WNK1: variants seen among roughly 807,000 people sequenced by gnomAD.
WNK1 encodes WNK lysine deficient protein kinase 1.
A neutral mutation model predicts 222.8 loss-of-function variants in WNK1; 38 were observed. The ratio of observed to expected loss-of-function variants is 0.17; its 90% confidence interval spans 0.13 to 0.22. WNK1 has a LOEUF of 0.22. Ranked by LOEUF, WNK1 falls within the 10% of genes least tolerant of loss-of-function variation. WNK1 has a pLI of 1.00. For missense variants in WNK1, 2,348 were observed against 2,918.4 expected (o/e 0.80, Z 4.50); for synonymous variants, 1,090 against 1,092.9 (o/e 1.00, Z 0.05).
At chr12:761,487 C>A (rs1941011485) in intron 1 of WNK1, among the ~76,000 whole-genome samples, 1 of 148,032 alleles carries the variant, frequency 6.8e-6, no homozygotes, top group African/African-American at 2.4e-5. Flanking sequence ...AAACCACAGT[C>A]ATTCCTGCAG....
chr12:888,460 G>C (rs1953882441), intron 20 of WNK1, among the ~76,000 whole-genome samples: 1 of 152,124 alleles, frequency 6.6e-6, no homozygotes, highest in African/African-American at 2.4e-5. Context: ...GAGGGGTAAG[G>C]GTAAATAGCT....
At chr12:756,800 A>G (rs1331508400) in intron 1 of WNK1, among the ~76,000 whole-genome samples, 1 of 152,236 alleles carries the variant, frequency 6.6e-6, no homozygotes, top group Non-Finnish European at 1.5e-5. Context: ...CTTTTTCGCT[A>G]AATCTATCCT....
At chr12:792,891 G>T (rs560708213) in intron 1 of WNK1, among the ~76,000 whole-genome samples, 2 of 151,022 alleles carry the variant, frequency 1.3e-5, no homozygotes, top group African/African-American at 4.9e-5. Flanking sequence ...TCTTAATCAG[G>T]TCTAGTGAAC....
At chr12:812,424 T>C (rs1416379363) in intron 1 of WNK1, among the ~76,000 whole-genome samples, 3 of 152,204 alleles carry the variant, frequency 2.0e-5, no homozygotes, top group Admixed American at 2.0e-4. Flanking sequence ...CAAAAAGGTA[T>C]CTTGTCACTG....
chr12:772,404 GGT>G lies in WNK1; in HGVS notation c.759+18099_759+18100del, dbSNP rs372617624. Among the ~76,000 whole-genome samples, 218 of 117,302 alleles carry G rather than the reference GGT, an allele frequency of 1.9e-3. 2 individuals carry two copies. Among genetic ancestry groups the G allele is most frequent in the South Asian group, 0.012 (39 of 3,302 alleles). The allele number at this position is 117,302 out of a possible 152,430, so 77.0% of individuals were successfully genotyped here. A position where few individuals can be genotyped will look rare whatever the true frequency, so the allele number is the denominator to read the frequency against. ...ATTTGTACACAGTAATCATAATTGG[GGT>G]GTGTGTGTGTGTGTGTGTATGTATG... On this transcript the variant is annotated intron_variant, in intron 1 of 27. Transcript: ENST00000315939.
chr12:807,542 A>C (rs887313731), intron 1 of WNK1, among the ~76,000 whole-genome samples: 7 of 151,786 alleles, frequency 4.6e-5, no homozygotes, highest in Non-Finnish European at 8.8e-5. Context: ...ACTAAGTTTC[A>C]GTGCTAATAA....
intron 26 of WNK1, among the ~76,000 whole-genome samples, chr12:902,130 C>T (rs1249762777): frequency 6.7e-6 from 1 of 149,200 alleles, no homozygotes; most frequent in East Asian, 2.0e-4. Flanking sequence ...GATACCCCAT[C>T]TCTAAAAAAA....
At position 885,495 on chromosome 12, in the gene WNK1, C is replaced by G. The variant is rs747482543; in HGVS notation, c.4691C>G (p.Pro1564Arg). 1 of 1,614,102 alleles carries G rather than the reference C, an allele frequency of 6.2e-7. No homozygotes were observed. Among genetic ancestry groups the G allele is most frequent in the Non-Finnish European group, 8.5e-7 (1 of 1,180,036 alleles). The change falls in exon 19 of 28, where the codon CCT becomes CGT. Residue 1564 changes from proline (P) to arginine (R), a missense_variant. By Grantham distance (103) the Pro-to-Arg change is moderately radical. Transcript: ENST00000315939. ...GGAGTGTCTAGTTATATTTCTCAGC[C>G]TGGTGGGCTGCATCCTTTGGTCATT... is the stretch of plus-strand genomic sequence containing the variant. ...GAGVSSYISQPGGLHPLVIPS... is the reference protein window; with the variant it reads ...GAGVSSYISQRGGLHPLVIPS...
Position 908,896 on chromosome 12 carries a change from T to G in WNK1, c.*104T>G. ...ATATACTAACTACTAGTGCTGCATT[T>G]AACTGGTTATTTCTTGCCAGAGGGG... is the stretch of plus-strand genomic sequence containing the variant. On this transcript the variant is annotated 3_prime_UTR_variant, in exon 28 of 28. Coordinates refer to ENST00000315939, the MANE Select transcript of WNK1 (RefSeq NM_018979.4). The G allele has an allele frequency of 7.9e-7, 1 of 1,269,662 alleles. No homozygotes were observed. The highest frequency in any genetic ancestry group is 1.1e-6 in the Non-Finnish European group (1 of 897,290). The allele number at this position is 1,269,662 out of a possible 1,614,324, so 78.6% of individuals were successfully genotyped here.
At chr12:767,946 G>C (rs1941981793) in intron 1 of WNK1, among the ~76,000 whole-genome samples, 1 of 152,130 alleles carries the variant, frequency 6.6e-6, no homozygotes, top group South Asian at 2.1e-4. Context: ...GACCACTCTA[G>C]ATGGCTCCTT....
rs1038270127 is a variant in WNK1 at position 753,782 on chromosome 12, A to G, written c.217A>G (p.Thr73Ala). 6 of 1,612,332 alleles carry G rather than the reference A, an allele frequency of 3.7e-6. No individual in the cohort carries two copies. The African/African-American group carries it at 8.0e-5, about 22-fold the overall frequency. Residue 73 changes from threonine (T) to alanine (A), a missense_variant, in exon 1 of 28, where the codon ACC (threonine) becomes GCC (alanine). By Grantham distance (58) the Thr-to-Ala change is moderately conservative. This residue lies in a region of WNK1 where 108 missense variants were observed against 109.7 expected (regional missense o/e 0.98). Transcript: ENST00000315939. The surrounding 1 kb of genome is among the most constrained non-coding windows in gnomAD (Gnocchi z 5.2). The stretch of plus-strand genomic sequence containing the variant: ...CAGCCGTGGGGCGGCCGCGACCACT[A>G]CCACCACTGAGCACCGCTTCTTCCG... ...KDSRGAAATT[T>A]TTEHRFFRRS...
intron 14 of WNK1, among the ~76,000 whole-genome samples, 164 bp downstream of exon 14, chr12:882,237 C>A (rs987333022): frequency 2.0e-5 from 3 of 152,058 alleles, no homozygotes; most frequent in Non-Finnish European, 2.9e-5. Flanking sequence ...CGCTCTGTCG[C>A]CCAGGCTGGA....
At chr12:850,754 T>A (rs201472537) in intron 4 of WNK1, among the ~76,000 whole-genome samples, 606 of 125,772 alleles carry the variant, frequency 4.8e-3, no homozygotes, top group East Asian at 0.015. Context: ...GTATGAGGTG[T>A]AAGGAAGGGA....
chr12:809,606 AATT>A (rs1171243174), intron 1 of WNK1, among the ~76,000 whole-genome samples: 11 of 152,084 alleles, frequency 7.2e-5, no homozygotes, highest in Admixed American at 2.6e-4. Flanking sequence ...TTTGCATGAG[AATT>A]ATTATTTTGT....
chr12:851,581 T>C lies in WNK1; in HGVS notation c.1312-5580T>C, dbSNP rs1032996518. On this transcript the variant is annotated intron_variant, in intron 4 of 27. Transcript: ENST00000315939. Reference sequence around the variant, plus strand: ...GCATGGCTAGTGTTAAACAAGAAACTGTGTTTCAGTCTGACTTTGATGTCT... The same window carrying C: ...GCATGGCTAGTGTTAAACAAGAAACCGTGTTTCAGTCTGACTTTGATGTCT... 13 of 1,199,096 alleles carry C rather than the reference T, an allele frequency of 1.1e-5. No homozygotes were observed. In the South Asian group the frequency reaches 2.0e-4, roughly 19 times the overall value. 74.3% of individuals were successfully genotyped at this position (1,199,096 alleles called of 1,614,324 possible).
chr12:785,415 C>G (rs796378115), intron 1 of WNK1, among the ~76,000 whole-genome samples: 6 of 142,630 alleles, frequency 4.2e-5, no homozygotes, highest in African/African-American at 1.5e-4. Flanking sequence ...CCCCCACCCC[C>G]TCGAAGTGGA....
intron 2 of WNK1, among the ~76,000 whole-genome samples, chr12:826,158 T>A (rs909968534): frequency 3.9e-5 from 6 of 152,262 alleles, no homozygotes; most frequent in Non-Finnish European, 8.8e-5. Flanking sequence ...TCTGCCATTA[T>A]GGAAATGTTG....
chr12:836,193 CA>C (rs1466196655), intron 4 of WNK1, among the ~76,000 whole-genome samples: 2 of 151,976 alleles, frequency 1.3e-5, no homozygotes, highest in African/African-American at 4.8e-5. Flanking sequence ...GGAAAAATAA[CA>C]AAAGTTGTAG....
rs769002438 is a variant in WNK1 at position 894,550 on chromosome 12, T to C, written c.5510-12T>C. The C allele has an allele frequency of 3.7e-6, 6 of 1,611,454 alleles. No homozygotes were observed. In the South Asian group the frequency reaches 6.6e-5, roughly 18 times the overall value. On this transcript the variant is annotated splice_polypyrimidine_tract_variant and intron_variant, in intron 22 of 27. Coordinates refer to ENST00000315939, the MANE Select transcript of WNK1 (RefSeq NM_018979.4). Reference sequence around the variant, plus strand: ...GACACTTATGTTTTCCTCATCCATGTATTTGTTTCAGTTTCTCAAGTCAAA... The same window carrying C: ...GACACTTATGTTTTCCTCATCCATGCATTTGTTTCAGTTTCTCAAGTCAAA...
Sources: gnomAD v4.1 joint callset for allele counts (sites outside exome capture counted in the v4.1 genomes callset) on GRCh38, gnomAD v4.1.1 for gene constraint, gnomAD v4.1.1 regional missense constraint, Gnocchi (gnomAD v3.1) non-coding constraint, MANE v1.5 for transcripts, NCBI Gene and HGNC (gene_info 2026-07-23, HGNC 2026-07-21) for gene names.